The following MYBPC1 variants were observed in gnomAD, a reference collection of about 807,000 sequenced individuals.
MYBPC1 encodes myosin-binding protein C, slow-type.
A neutral mutation model predicts 147.1 loss-of-function variants in MYBPC1; 52 were observed. The ratio of observed to expected loss-of-function variants is 0.35; its 90% confidence interval spans 0.28 to 0.45. MYBPC1 has a LOEUF of 0.45. MYBPC1 is among the 20% of genes least tolerant of loss of function. The pLI is 1.00. For missense variants in MYBPC1, 1,228 were observed against 1,440.3 expected (o/e 0.85, Z 2.39); for synonymous variants, 477 against 475.9 (o/e 1.00, Z -0.03).
chr12:101,680,305 A>T, intron 28 of MYBPC1, 38 bp from the exon 29 acceptor site: 1 of 1,586,242 alleles, frequency 6.3e-7, no homozygotes, highest in Non-Finnish European at 8.6e-7. Context: ...CCAATTACAG[A>T]TATGTTTTGA....
chr12:101,677,151 CTTG>C (rs1272808376), intron 26 of MYBPC1, 81 bp from the exon 27 acceptor site: 1 of 1,371,946 alleles, frequency 7.3e-7, no homozygotes, highest in Non-Finnish European at 1.0e-6. Flanking sequence ...ATAAAGCATC[CTTG>C]TTATTTATCC....
intron 26 of MYBPC1, among the ~76,000 whole-genome samples, chr12:101,676,755 A>G (rs574213273): frequency 3.1e-5 from 4 of 128,240 alleles, no homozygotes; most frequent in Non-Finnish European, 5.0e-5. Flanking sequence ...TGTCTCAAAA[A>G]GAAAAAAAAA....
At chr12:101,623,411 C>G (rs983486569) in intron 3 of MYBPC1, among the ~76,000 whole-genome samples, 1 of 152,126 alleles carries the variant, frequency 6.6e-6, no homozygotes, top group Admixed American at 6.5e-5. Flanking sequence ...CACATGTACC[C>G]CATAAATATG....
chr12:101,613,399 G>A (rs1390034920), intron 1 of MYBPC1, among the ~76,000 whole-genome samples: 1 of 152,142 alleles, frequency 6.6e-6, no homozygotes, highest in Non-Finnish European at 1.5e-5. Context: ...AAGGCTCCCA[G>A]GATTCCACAA....
At chr12:101,653,475 GTT>G (rs1894946924) in intron 18 of MYBPC1, among the ~76,000 whole-genome samples, 1 of 122,218 alleles carries the variant, frequency 8.2e-6, no homozygotes, top group Non-Finnish European at 1.8e-5. Context: ...AGCAAAGCAT[GTT>G]TTGATGCACA....
At chr12:101,680,652 G>A (rs1950879677) in intron 29 of MYBPC1, 123 bp downstream of exon 29, 1 of 1,203,346 alleles carries the variant, frequency 8.3e-7, no homozygotes, top group African/African-American at 1.5e-5. Context: ...GGTGGGAGAG[G>A]GTGGTGAGGG....
chr12:101,627,651 T>C (rs1888919275), intron 4 of MYBPC1, 118 bp from the exon 5 acceptor site: 2 of 1,150,298 alleles, frequency 1.7e-6, no homozygotes, highest in Admixed American at 1.7e-5. Flanking sequence ...GTAGGGTTTT[T>C]TCCTTCCTAT....
intron 10 of MYBPC1, among the ~76,000 whole-genome samples, chr12:101,641,941 T>G (rs1461914336): frequency 6.6e-6 from 1 of 152,186 alleles, no homozygotes; most frequent in Admixed American, 6.5e-5. Flanking sequence ...GTATTTGTAC[T>G]GTCTCCATAT....
intron 22 of MYBPC1, among the ~76,000 whole-genome samples, chr12:101,667,172 A>G (rs1199112001): frequency 6.6e-6 from 1 of 152,240 alleles, no homozygotes; most frequent in Non-Finnish European, 1.5e-5. Context: ...GAATCAGCCC[A>G]TGAACTGTTT....
In MYBPC1 at chr12:101,661,159, C is replaced by A. The variant is rs1167765260; in HGVS notation, c.1929C>A (p.Asp643Glu). The stretch of plus-strand genomic sequence containing the variant: ...TATCCTATTTTTTGTCTGCCACAGA[C>A]TTCCCTGATCCTCCAGTGGCACCGA... ...AHASIKVKVV[D>E]FPDPPVAPTV... The change falls in exon 20 of 32, where the codon GAC (aspartate) becomes GAA (glutamate). Residue 643 changes from aspartate to glutamate, a missense_variant and splice_region_variant. Around this residue, in one of 2 missense-constraint regions of MYBPC1, gnomAD observed 1,077 missense variants for 1,314.2 expected, o/e 0.82. Coordinates refer to ENST00000361466, the MANE Select transcript of MYBPC1 (RefSeq NM_002465.4). 6.2e-7 allele frequency: 1 copy of A among 1,611,994 alleles called. No individual in the cohort carries two copies. The highest frequency in any genetic ancestry group is 1.3e-5 in the African/African-American group (1 of 74,834).
chr12:101,655,172 A>G (rs1895325229), intron 18 of MYBPC1, among the ~76,000 whole-genome samples: 1 of 152,200 alleles, frequency 6.6e-6, no homozygotes, highest in African/African-American at 2.4e-5. Flanking sequence ...CATATGTTCA[A>G]AAAGTTAGGT....
chr12:101,604,590 C>T (rs528093488), intron 1 of MYBPC1, among the ~76,000 whole-genome samples: 1 of 152,172 alleles, frequency 6.6e-6, no homozygotes, highest in East Asian at 1.9e-4. Context: ...TATATTACTC[C>T]TTGCTTTAAA....
At chr12:101,653,290 A>T (rs771949013) in intron 18 of MYBPC1, 42 bp downstream of exon 18, 42 of 1,609,238 alleles carry the variant, frequency 2.6e-5, no homozygotes, top group Non-Finnish European at 2.5e-5. Context: ...ACACACACAT[A>T]TGCAGACACA....
downstream of MYBPC1, among the ~76,000 whole-genome samples, chr12:101,686,635 C>T (rs368036683): frequency 3.9e-5 from 6 of 152,304 alleles, no homozygotes; most frequent in East Asian, 7.7e-4. Flanking sequence ...TTTATTCCCT[C>T]GCCTCCCCTC....
At chr12:101,682,544 A>G (rs986871046) in intron 29 of MYBPC1, 60 bp from the exon 30 acceptor site, 25 of 1,502,926 alleles carry the variant, frequency 1.7e-5, no homozygotes, top group Non-Finnish European at 2.2e-5. Context: ...AGTTGTGAAA[A>G]AAGGTAAGAA....
intron 12 of MYBPC1, among the ~76,000 whole-genome samples, chr12:101,646,248 A>G (rs1593868961): frequency 6.6e-6 from 1 of 152,146 alleles, no homozygotes; most frequent in East Asian, 1.9e-4. Context: ...ATTAAATAGT[A>G]TATATAAATA....
Position 101,677,342 on chromosome 12 carries a change from C to T in MYBPC1, c.3057C>T (p.Gly1019=). 2 of 1,613,950 alleles carry T rather than the reference C, an allele frequency of 1.2e-6. No homozygotes were observed. Among genetic ancestry groups the T allele is most frequent in the East Asian group, 2.2e-5 (1 of 44,872 alleles). ...GGGTCTTTTCTGAAAACATGTGTGG[C>T]CTCAGTGAGGATGCCACCATGACTA... is the stretch of plus-strand genomic sequence containing the variant. ...YFRVFSENMC[G]LSEDATMTKE... is the part of the protein sequence containing the mutation. Residue 1019 remains glycine (G), a synonymous_variant, in exon 27 of 32, where the codon GGC becomes GGT. Coordinates refer to ENST00000361466, the MANE Select transcript of MYBPC1 (RefSeq NM_002465.4).
rs748910073 is a variant in MYBPC1, at chr12:101,644,686, T to C, written c.855T>C (p.Pro285=). 4 of 1,613,972 alleles carry C rather than the reference T, an allele frequency of 2.5e-6. No individual in the cohort carries two copies. The South Asian group carries it at 4.4e-5, about 18-fold the overall frequency. ...KSAAFAKILD[P]AYQVDKGGRV... ...CAGCTTTTGCAAAAATTCTTGATCCTGCATATCAGGTTGACAAAGGAGGCA... is the reference window on the plus strand; with the variant it reads ...CAGCTTTTGCAAAAATTCTTGATCCCGCATATCAGGTTGACAAAGGAGGCA... Residue 285 remains proline, a synonymous_variant, in exon 12 of 32, where the codon CCT becomes CCC. Transcript: ENST00000361466.
At chr12:101,671,542 A>T (rs545238981) in intron 24 of MYBPC1, among the ~76,000 whole-genome samples, 59 of 152,342 alleles carry the variant, frequency 3.9e-4, no homozygotes, top group Admixed American at 2.7e-3. Flanking sequence ...GTGAAGCAGA[A>T]CACAGCCCAG....
Sources: gnomAD v4.1 joint callset for allele counts (sites outside exome capture counted in the v4.1 genomes callset) on GRCh38, gnomAD v4.1.1 for gene constraint, gnomAD v4.1.1 regional missense constraint, MANE v1.5 for transcripts, NCBI Gene and HGNC (gene_info 2026-07-23, HGNC 2026-07-21) for gene names.